RAD54L: variants seen among roughly 807,000 people sequenced by gnomAD.
RAD54L encodes DNA repair and recombination protein RAD54-like.
RAD54L carries 74 observed loss-of-function variants against 91.6 expected under a neutral mutation model. The ratio of observed to expected loss-of-function variants is 0.81; its 90% CI spans 0.67 to 0.98. The LOEUF is 0.98. RAD54L is among the 50% of genes least tolerant of loss of function. RAD54L has a pLI of 0.00. For synonymous variants in RAD54L, 304 were observed against 349.7 expected (o/e 0.87, Z 1.46); for missense variants, 887 against 945.7 (o/e 0.94, Z 0.81).
Position 46,274,334 on chromosome 1 carries a change from T to A in RAD54L, c.1689+118T>A, listed in dbSNP as rs114577836. On this transcript the variant is annotated intron_variant, in intron 15 of 17. Coordinates refer to ENST00000371975, the MANE Select transcript of RAD54L (RefSeq NM_003579.4). The stretch of plus-strand genomic sequence containing the variant: ...TTTTTTTTAATTCCCCTAGTGGATA[T>A]AGTAGGATTTGTCTGGTTGGTGATG... 0.015 allele frequency: 18,622 copies of A among 1,268,684 alleles called. 195 individuals carry two copies. Among genetic ancestry groups the A allele is most frequent in the Non-Finnish European group, 0.018 (16,080 of 876,574 alleles). 78.6% of individuals were successfully genotyped at this position (1,268,684 alleles called of 1,614,324 possible).
intron 3 of RAD54L, among the ~76,000 whole-genome samples, chr1:46,252,998 G>T (rs1318230548): frequency 6.6e-6 from 1 of 152,156 alleles, no homozygotes; most frequent in Non-Finnish European, 1.5e-5. Context: ...TTTGAGCTGA[G>T]GAGGTCAAGG....
chr1:46,267,848 A>T (rs1247554701), intron 9 of RAD54L, among the ~76,000 whole-genome samples: 1 of 152,152 alleles, frequency 6.6e-6, no homozygotes, highest in African/African-American at 2.4e-5. Context: ...CAGGGGCTAT[A>T]CAGGGAATGG....
rs901101437 is a variant in RAD54L at position 46,263,587 on chromosome 1, C to T, written c.891+2202C>T. Reference sequence around the variant, plus strand: ...ATTTTCTGGTCAGTCATTGGCGGGTCTTCAAACTCCCAACTTCCTGGTAGG... The same window carrying T: ...ATTTTCTGGTCAGTCATTGGCGGGTTTTCAAACTCCCAACTTCCTGGTAGG... On this transcript the variant is annotated intron_variant, in intron 8 of 17. Coordinates refer to ENST00000371975, the MANE Select transcript of RAD54L (RefSeq NM_003579.4). This position sits in a 1 kb window ranked among gnomAD's most constrained non-coding sequence, Gnocchi z 4.3. Among the ~76,000 whole-genome samples the T allele has an allele frequency of 5.9e-5, 9 of 152,074 alleles. No individual in the cohort carries two copies. The highest frequency in any genetic ancestry group is 1.7e-4 in the African/African-American group (7 of 41,408).
At chr1:46,254,606 T>C (rs1659891103) in intron 3 of RAD54L, among the ~76,000 whole-genome samples, 1 of 147,224 alleles carries the variant, frequency 6.8e-6, no homozygotes, top group African/African-American at 2.5e-5. Context: ...TTTTTTTTCC[T>C]GAGACAGGGT....
At chr1:46,262,606 T>C (rs1356216215) in intron 8 of RAD54L, among the ~76,000 whole-genome samples, 1 of 152,036 alleles carries the variant, frequency 6.6e-6, no homozygotes, top group East Asian at 1.9e-4. Context: ...AGAAGTCAAA[T>C]ACACATTTGT....
chr1:46,263,824 G>T lies in RAD54L; in HGVS notation c.891+2439G>T, dbSNP rs1014815094. On this transcript the variant is annotated intron_variant, in intron 8 of 17. Transcript: ENST00000371975. The surrounding 1 kb of genome is among the most constrained non-coding windows in gnomAD (Gnocchi z 4.3). The stretch of plus-strand genomic sequence containing the variant: ...ACTTTTTGTTTTTTTTTGAGACAAG[G>T]GTCTTGTTCTGTTGTCCAGATGGAG... Among the ~76,000 whole-genome samples, 3 of 151,996 alleles carry T rather than the reference G, an allele frequency of 2.0e-5. No individual in the cohort carries two copies. Among genetic ancestry groups the T allele is most frequent in the Non-Finnish European group, 4.4e-5 (3 of 67,994 alleles).
chr1:46,275,476 G>A (rs1660566524), intron 16 of RAD54L, among the ~76,000 whole-genome samples: 1 of 151,202 alleles, frequency 6.6e-6, no homozygotes, highest in Non-Finnish European at 1.5e-5. Flanking sequence ...TGACTTCCTT[G>A]TTTATTTAGC....
rs759003609 is a variant in RAD54L, at chr1:46,274,683, A to T, written c.1835A>T (p.Gln612Leu). 1 of 1,614,176 alleles carries T rather than the reference A, an allele frequency of 6.2e-7. No individual in the cohort carries two copies. The highest frequency in any genetic ancestry group is 8.5e-7 in the Non-Finnish European group (1 of 1,180,038). ...QAMARVWRDG[Q>L]KKTCYIYRLL... The stretch of plus-strand genomic sequence containing the variant: ...ATGGCCCGGGTCTGGCGAGATGGTC[A>T]AAAGAAGACTTGCTATATCTACCGC... Residue 612 changes from glutamine (Q) to leucine (L), a missense_variant, in exon 16 of 18, where the codon CAA becomes CTA. Transcript: ENST00000371975.
intron 3 of RAD54L, among the ~76,000 whole-genome samples, chr1:46,254,395 G>A (rs1042855230): frequency 9.2e-5 from 14 of 151,872 alleles, no homozygotes; most frequent in African/African-American, 3.4e-4. Context: ...CCTTAGACAT[G>A]ATGATTTTGA....
At chr1:46,275,354 C>T (rs1426494138) in intron 16 of RAD54L, among the ~76,000 whole-genome samples, 1 of 152,186 alleles carries the variant, frequency 6.6e-6, no homozygotes, top group Admixed American at 6.5e-5. Context: ...ACCTTAATAA[C>T]TGTCATTCTA....
rs113721715 is a variant in RAD54L, at chr1:46,259,632, T to C, written c.272-332T>C. On this transcript the variant is annotated intron_variant, in intron 4 of 17. Coordinates refer to ENST00000371975, the MANE Select transcript of RAD54L (RefSeq NM_003579.4). ...TACTAAAAAAAATACAAAAATTAGC[T>C]GGGTGTGGTGGTGGGAGCCTATAAT... 8.2e-3 allele frequency among the ~76,000 whole-genome samples: 1,246 copies of C among 151,848 alleles called. 19 individuals carry two copies. Among genetic ancestry groups the C allele is most frequent in the Middle Eastern group, 0.037 (11 of 294 alleles).
In RAD54L at chr1:46,247,938, C is replaced by T. The variant is rs2148273467; in HGVS notation, c.-468C>T. 3.5e-6 allele frequency: 1 copy of T among 285,082 alleles called. No individual in the cohort carries two copies. The highest frequency in any genetic ancestry group is 8.9e-5 in the East Asian group (1 of 11,244). The allele number at this position is 285,082 out of a possible 1,614,324, so 17.7% of individuals were successfully genotyped here. The stretch of plus-strand genomic sequence containing the variant: ...CTGATCCTGGTTTCCACCTCCAGCC[C>T]TGGGAAATTTCCTTTCTCCAGACTC... On this transcript the variant is annotated 5_prime_UTR_variant, in exon 1 of 18. Transcript: ENST00000371975.
At chr1:46,267,036 G>A (rs1173573829) in intron 8 of RAD54L, among the ~76,000 whole-genome samples, 6 of 152,050 alleles carry the variant, frequency 3.9e-5, no homozygotes, top group Non-Finnish European at 7.4e-5. Flanking sequence ...TTTGTTTTTT[G>A]TTGAGACAGT....
rs1184521186 is a variant in RAD54L, at chr1:46,260,548, A to G, written c.414A>G (p.Lys138=). The G allele has an allele frequency of 6.2e-7, 1 of 1,613,188 alleles. No individual in the cohort carries two copies. The highest frequency in any genetic ancestry group is 1.1e-5 in the South Asian group (1 of 91,026). Residue 138 remains lysine (K), a synonymous_variant, in exon 6 of 18, where the codon AAA becomes AAG. Coordinates refer to ENST00000371975, the MANE Select transcript of RAD54L (RefSeq NM_003579.4). ...AHDQLKLDKE[K]LPVHVVVDPI... ...CTTTGCTGTGTTTTCTCAGGGAGAA[A>G]CTCCCTGTCCATGTGGTTGTTGACC...
intron 13 of RAD54L, 77 bp downstream of exon 13, chr1:46,273,542 G>C: frequency 6.2e-7 from 1 of 1,611,818 alleles, no homozygotes; most frequent in Non-Finnish European, 8.5e-7. Flanking sequence ...GGGCTGTCCT[G>C]TTTCAAGGCA....
At chr1:46,270,000 G>C (rs554121854) in intron 9 of RAD54L, among the ~76,000 whole-genome samples, 1 of 152,198 alleles carries the variant, frequency 6.6e-6, no homozygotes, top group African/African-American at 2.4e-5. Flanking sequence ...AGCTACTTGG[G>C]AGGTTGAGGC....
At chr1:46,257,705 C>T (rs2148284705) in intron 3 of RAD54L, among the ~76,000 whole-genome samples, 1 of 152,310 alleles carries the variant, frequency 6.6e-6, no homozygotes. Context: ...TCTCATGTCC[C>T]TTTCTCATGT....
intron 16 of RAD54L, among the ~76,000 whole-genome samples, chr1:46,276,771 A>G (rs907936962): frequency 6.6e-6 from 1 of 152,198 alleles, no homozygotes; most frequent in African/African-American, 2.4e-5. Context: ...TTCGAAGACA[A>G]GATTAAGGCC....
At position 46,277,810 on chromosome 1, in the gene RAD54L, T is replaced by C. The variant is rs770996242; in HGVS notation, c.1870-7T>C. ...TCTTTTGACATTCCCCACCTCCTCTTCCCCAGGCAGGGACCATTGAGGAGA... is the reference window on the plus strand; with the variant it reads ...TCTTTTGACATTCCCCACCTCCTCTCCCCCAGGCAGGGACCATTGAGGAGA... On this transcript the variant is annotated splice_polypyrimidine_tract_variant and splice_region_variant and intron_variant, in intron 16 of 17. Transcript: ENST00000371975. 1.9e-6 allele frequency: 3 copies of C among 1,602,284 alleles called. No individual in the cohort carries two copies. In the South Asian group the frequency reaches 3.3e-5, roughly 18 times the overall value.
Sources: allele counts gnomAD v4.1 joint callset (sites outside exome capture counted in the v4.1 genomes callset), GRCh38; gene constraint gnomAD v4.1.1; non-coding constraint Gnocchi (gnomAD v3.1); transcripts MANE v1.5; gene names NCBI Gene and HGNC (gene_info 2026-07-23, HGNC 2026-07-21).